The following RBMS3 variants were observed in gnomAD, a reference collection of about 807,000 sequenced individuals.
The protein encoded by RBMS3 is RNA-binding motif, single-stranded-interacting protein 3.
In RBMS3, 27 loss-of-function variants were observed where a neutral mutation model predicts 66.8. The ratio of observed to expected loss-of-function variants is 0.40; its 90% CI spans 0.30 to 0.56. The LOEUF is 0.56. Among genes scored for constraint, RBMS3 ranks in the 20% least tolerant of loss-of-function variants. RBMS3 has a pLI of 0.40. For missense variants in RBMS3, 513 were observed against 549.5 expected (o/e 0.93, Z 0.66); for synonymous variants, 188 against 183.0 (o/e 1.03, Z -0.22).
intron 4 of RBMS3, among the ~76,000 whole-genome samples, chr3:29,644,166 A>G (rs1015504785): frequency 2.0e-5 from 3 of 152,248 alleles, no homozygotes; most frequent in Admixed American, 1.3e-4. Flanking sequence ...CCCCAAAGTT[A>G]TCCATGATAA....
chr3:29,340,519 A>C (rs1489186381), intron 1 of RBMS3, among the ~76,000 whole-genome samples: 1 of 152,154 alleles, frequency 6.6e-6, no homozygotes, highest in Non-Finnish European at 1.5e-5. Context: ...AATGAATCTC[A>C]AAATCATATG....
intron 6 of RBMS3, among the ~76,000 whole-genome samples, chr3:29,819,505 G>T (rs1576903914): frequency 6.6e-6 from 1 of 152,138 alleles, no homozygotes; most frequent in Non-Finnish European, 1.5e-5. Context: ...GCATCAAAAT[G>T]TATTTTAGCA....
chr3:29,592,788 GA>G (rs2047793128), intron 4 of RBMS3, among the ~76,000 whole-genome samples: 1 of 151,994 alleles, frequency 6.6e-6, no homozygotes, highest in African/African-American at 2.4e-5. Context: ...ACTGGATTAA[GA>G]AAATATGGCA....
chr3:29,390,345 C>A (rs1027125605), intron 1 of RBMS3, among the ~76,000 whole-genome samples: 22 of 152,100 alleles, frequency 1.4e-4, no homozygotes, highest in African/African-American at 4.8e-4. Context: ...AAAAAAAGTT[C>A]TATTGCTACA....
At chr3:29,351,534 C>T (rs940262633) in intron 1 of RBMS3, among the ~76,000 whole-genome samples, 2 of 151,984 alleles carry the variant, frequency 1.3e-5, no homozygotes, top group Admixed American at 6.6e-5. Context: ...GTATGTTTCT[C>T]CTGGAAGCCT....
chr3:29,992,689 A>T (rs1411128446), intron 14 of RBMS3, among the ~76,000 whole-genome samples: 2 of 152,196 alleles, frequency 1.3e-5, no homozygotes, highest in African/African-American at 4.8e-5. Context: ...ACAGCTGGGG[A>T]TCTGTAGCCA....
intron 12 of RBMS3, among the ~76,000 whole-genome samples, chr3:29,964,974 G>T (rs1355416626): frequency 6.6e-6 from 1 of 152,100 alleles, no homozygotes; most frequent in Non-Finnish European, 1.5e-5. Context: ...TAACATGTTT[G>T]ATTTTCCATT....
At chr3:29,775,582 TG>T (rs1257554585) in intron 6 of RBMS3, among the ~76,000 whole-genome samples, 1 of 152,012 alleles carries the variant, frequency 6.6e-6, no homozygotes, top group Non-Finnish European at 1.5e-5. Flanking sequence ...AGATGCCACA[TG>T]GGAGCTGTGT....
chr3:29,410,524 G>A (rs1361826415), intron 1 of RBMS3, among the ~76,000 whole-genome samples: 1 of 152,190 alleles, frequency 6.6e-6, no homozygotes, highest in African/African-American at 2.4e-5. Flanking sequence ...GAGACATGCA[G>A]ATGGATGAAT....
intron 10 of RBMS3, chr3:29,903,155 G>A (rs146309845): frequency 6.6e-6 from 1 of 151,996 alleles, no homozygotes; most frequent in East Asian, 1.9e-4. Flanking sequence ...GGGAAGAAAG[G>A]ATAGATGTCT....
At chr3:29,779,400 A>AT (rs1282906094) in intron 6 of RBMS3, among the ~76,000 whole-genome samples, 1 of 151,450 alleles carries the variant, frequency 6.6e-6, no homozygotes, top group African/African-American at 2.4e-5. Context: ...TCAGACCCAT[A>AT]TTTTCTCCAT....
intron 7 of RBMS3, among the ~76,000 whole-genome samples, chr3:29,878,252 G>A (rs1471529282): frequency 4.6e-5 from 7 of 152,000 alleles, no homozygotes; most frequent in Non-Finnish European, 1.0e-4. Context: ...TTCCTAACAG[G>A]CCATGGATGG....
chr3:29,489,979 G>T (rs1264353416), intron 3 of RBMS3, among the ~76,000 whole-genome samples: 7 of 146,008 alleles, frequency 4.8e-5, no homozygotes, highest in Non-Finnish European at 8.9e-5. Context: ...GGAGGCAGAG[G>T]TTGCAGTGAG....
intron 4 of RBMS3, among the ~76,000 whole-genome samples, chr3:29,701,281 A>G (rs2052561360): frequency 6.6e-6 from 1 of 152,120 alleles, no homozygotes; most frequent in Non-Finnish European, 1.5e-5. Flanking sequence ...CTGTCTCAAA[A>G]GAAAAAAAAA....
chr3:29,814,712 G>A (rs2057830180), intron 6 of RBMS3, among the ~76,000 whole-genome samples: 1 of 152,182 alleles, frequency 6.6e-6, no homozygotes, highest in South Asian at 2.1e-4. Flanking sequence ...AGTCTTGGGA[G>A]AGTGTATGTG....
chr3:29,690,490 A>C (rs924239661), intron 4 of RBMS3, among the ~76,000 whole-genome samples: 1 of 152,210 alleles, frequency 6.6e-6, no homozygotes, highest in Non-Finnish European at 1.5e-5. Context: ...ACTGATTCAA[A>C]TTGTTCTTCA....
At chr3:29,437,632 A>T (rs1003912044) in intron 2 of RBMS3, among the ~76,000 whole-genome samples, 5 of 152,186 alleles carry the variant, frequency 3.3e-5, no homozygotes, top group Non-Finnish European at 7.3e-5. Context: ...AGAGAATCTT[A>T]AAGAACTGAT....
At chr3:29,905,799 A>G (rs1410621432) in intron 10 of RBMS3, among the ~76,000 whole-genome samples, 1 of 152,108 alleles carries the variant, frequency 6.6e-6, no homozygotes, top group African/African-American at 2.4e-5. Context: ...AAAGATCGTG[A>G]ATTTGTGTGG....
chr3:29,511,534 T>G (rs1576065596), intron 3 of RBMS3, among the ~76,000 whole-genome samples: 1 of 152,238 alleles, frequency 6.6e-6, no homozygotes, highest in South Asian at 2.1e-4. Context: ...GGTCTACTGA[T>G]TCTAACTCAT....
Sources: gnomAD v4.1 joint callset for allele counts (sites outside exome capture counted in the v4.1 genomes callset) on GRCh38, gnomAD v4.1.1 for gene constraint, MANE v1.5 for transcripts, NCBI Gene and HGNC (gene_info 2026-07-23, HGNC 2026-07-21) for gene names.